RRBP1: variants seen among roughly 807,000 people sequenced by gnomAD.
RRBP1 encodes ribosome binding protein 1.
RRBP1 carries 94 observed loss-of-function variants against 165.2 expected under a neutral mutation model. The ratio of observed to expected loss-of-function variants is 0.57; its 90% CI spans 0.48 to 0.68. The LOEUF (loss-of-function observed/expected upper bound fraction) is 0.68, where lower values mean the gene tolerates loss of function less well. RRBP1 is among the 30% of genes least tolerant of loss of function. The pLI, the probability that RRBP1 is intolerant of heterozygous loss-of-function variation, is 0.00. For synonymous variants in RRBP1, 680 were observed against 714.5 expected (o/e 0.95, Z 0.77); for missense variants, 1,676 against 1,763.0 (o/e 0.95, Z 0.88).
intron 13 of RRBP1, among the ~76,000 whole-genome samples, chr20:17,623,496 G>A (rs1419666960): frequency 6.6e-6 from 1 of 152,196 alleles, no homozygotes; most frequent in East Asian, 1.9e-4. Flanking sequence ...GGACAGCCCA[G>A]CACCCCAAAA....
At chr20:17,651,267 A>G (rs2122407471) in intron 3 of RRBP1, among the ~76,000 whole-genome samples, 1 of 152,358 alleles carries the variant, frequency 6.6e-6, no homozygotes, top group Admixed American at 6.5e-5. Context: ...GTGCTGAGTC[A>G]GAAAACAAAT....
chr20:17,673,138 A>G (rs779931080), intron 2 of RRBP1, among the ~76,000 whole-genome samples: 1 of 152,230 alleles, frequency 6.6e-6, no homozygotes, highest in African/African-American at 2.4e-5. Flanking sequence ...TAAAGAGTTT[A>G]AAATGTGTGT....
In RRBP1 at chr20:17,621,833, G is replaced by A. The variant is rs767621332; in HGVS notation, c.3240+22C>T. On this transcript the variant is annotated intron_variant, in intron 14 of 24. Coordinates refer to ENST00000377813, the MANE Select transcript of RRBP1 (RefSeq NM_001365613.2). ...ATTCCCTGAGAACTGTGAGGTCCCC[G>A]GGAACCACCCTCCCCTCCTACCTGT... 153 of 1,613,208 alleles carry A rather than the reference G, an allele frequency of 9.5e-5. 1 individual carries two copies. In the Middle Eastern group the frequency reaches 1.2e-3, roughly 12 times the overall value.
chr20:17,641,237 C>A (rs190298758), intron 5 of RRBP1, among the ~76,000 whole-genome samples: 57 of 152,360 alleles, frequency 3.7e-4, no homozygotes, highest in Admixed American at 1.2e-3. Flanking sequence ...CAGCACCAAC[C>A]CACCACCGTT....
chr20:17,635,657 G>T lies in RRBP1; in HGVS notation c.2345C>A (p.Thr782Asn). The T allele has an allele frequency of 1.2e-6, 2 of 1,613,088 alleles. No homozygotes were observed. Among genetic ancestry groups the T allele is most frequent in the Non-Finnish European group, 1.7e-6 (2 of 1,179,658 alleles). ...GCCATTCTCCAGCTGCTCCTGAAGA[G>T]TCCGGATCTGGAAAGTCACGGGCAA... ...EVQQLQGKIR[T>N]LQEQLENGPN... is the part of the protein sequence containing the mutation. The change falls in exon 7 of 25, where the codon ACT becomes AAT. Residue 782 changes from threonine to asparagine, a missense_variant. Physicochemically the swap from Thr to Asn is moderately conservative, Grantham distance 65 (BLOSUM62 0). Around this residue, in one of 5 missense-constraint regions of RRBP1, gnomAD observed 1,184 missense variants for 1,167.1 expected, o/e 1.01. Coordinates refer to ENST00000377813, the MANE Select transcript of RRBP1 (RefSeq NM_001365613.2).
chr20:17,627,646 A>G lies in RRBP1; in HGVS notation c.2786T>C (p.Val929Ala). The change falls in exon 10 of 25, where the codon GTG becomes GCG. Residue 929 changes from valine (V) to alanine (A), a missense_variant. By Grantham distance (64) the Val-to-Ala change is moderately conservative. Around this residue, in one of 5 missense-constraint regions of RRBP1, gnomAD observed 1,184 missense variants for 1,167.1 expected, o/e 1.01. Transcript: ENST00000377813. ...ACTCAGCTCCTCGCATTTGCTGCGC[A>G]CCTCCGCCTCGGAGGACTGTAACTT... ...HSKLQSSEAE[V>A]RSKCEELSGL... 6.2e-7 allele frequency: 1 copy of G among 1,611,134 alleles called. No homozygotes were observed. The highest frequency in any genetic ancestry group is 8.5e-7 in the Non-Finnish European group (1 of 1,178,760).
At chr20:17,634,771 G>A (rs1407195830) in intron 7 of RRBP1, among the ~76,000 whole-genome samples, 7 of 152,206 alleles carry the variant, frequency 4.6e-5, no homozygotes, top group East Asian at 1.9e-4. Flanking sequence ...CCAACCAGCC[G>A]ATGGCTCAGG....
intron 8 of RRBP1, among the ~76,000 whole-genome samples, chr20:17,630,671 G>T (rs971069019): frequency 6.6e-6 from 1 of 152,108 alleles, no homozygotes; most frequent in South Asian, 2.1e-4. Flanking sequence ...ACCTGTAAAG[G>T]ATTCCCACAC....
At chr20:17,615,588 A>G (rs2035783919) in intron 22 of RRBP1, 59 bp from the exon 23 acceptor site, 3 of 1,426,176 alleles carry the variant, frequency 2.1e-6, no homozygotes, top group Admixed American at 4.7e-5. Context: ...TGTGCTGTCA[A>G]GACCCTACCG....
intron 9 of RRBP1, among the ~76,000 whole-genome samples, chr20:17,629,188 A>G (rs1239954332): frequency 6.6e-6 from 1 of 152,218 alleles, no homozygotes; most frequent in Non-Finnish European, 1.5e-5. Flanking sequence ...CCCCCAGTCC[A>G]GCCCAGCCCG....
chr20:17,621,204 C>T (rs750197437), intron 16 of RRBP1, among the ~76,000 whole-genome samples: 1 of 152,206 alleles, frequency 6.6e-6, no homozygotes, highest in South Asian at 2.1e-4. Context: ...TCACCAGCTG[C>T]TTACCCCGTC....
Position 17,643,066 on chromosome 20 carries a change from C to G in RRBP1, c.1974G>C (p.Gly658=). Residue 658 remains glycine, a synonymous_variant, in exon 4 of 25, where the codon GGG becomes GGC. Coordinates refer to ENST00000377813, the MANE Select transcript of RRBP1 (RefSeq NM_001365613.2). This position sits in a 1 kb window ranked among gnomAD's most constrained non-coding sequence, Gnocchi z 4.3. ...LPYKTLVSTV[G]SMVFNEGEAQ... The stretch of plus-strand genomic sequence containing the variant: ...CCTCGCCCTCGTTGAACACCATGCT[C>G]CCAACCGTGGAGACCAGCGTCTTGT... 6.2e-7 allele frequency: 1 copy of G among 1,614,144 alleles called. No homozygotes were observed. The highest frequency in any genetic ancestry group is 1.1e-5 in the South Asian group (1 of 91,080).
chr20:17,656,932 G>C (rs569772865), intron 3 of RRBP1, among the ~76,000 whole-genome samples: 1 of 152,158 alleles, frequency 6.6e-6, no homozygotes, highest in Admixed American at 6.5e-5. Context: ...GTCACACGTA[G>C]GTCTCATCCC....
chr20:17,658,357 A>G (rs2036682865), intron 3 of RRBP1, among the ~76,000 whole-genome samples: 1 of 152,220 alleles, frequency 6.6e-6, no homozygotes, highest in Admixed American at 6.5e-5. Flanking sequence ...TCACCAACCC[A>G]GTTAAAACCA....
At position 17,659,551 on chromosome 20, in the gene RRBP1, G is replaced by T. The variant is rs2036717922; in HGVS notation, c.957C>A (p.Gly319=). ...GKKAEGAQNQ[G]KKGEGAQNQG... is the part of the protein sequence containing the mutation. The stretch of plus-strand genomic sequence containing the variant: ...GGTTCTGGGCCCCCTCTCCCTTTTT[G>T]CCCTGATTCTGGGCCCCCTCTGCCT... The change falls in exon 3 of 25, where the codon GGC becomes GGA. Residue 319 remains glycine (G), a synonymous_variant. Coordinates refer to ENST00000377813, the MANE Select transcript of RRBP1 (RefSeq NM_001365613.2). The T allele has an allele frequency of 6.5e-7, 1 of 1,548,042 alleles. No homozygotes were observed. The highest frequency in any genetic ancestry group is 8.7e-7 in the Non-Finnish European group (1 of 1,146,328).
At chr20:17,667,780 T>G (rs2122484249) in intron 2 of RRBP1, among the ~76,000 whole-genome samples, 1 of 152,352 alleles carries the variant, frequency 6.6e-6, no homozygotes, top group East Asian at 1.9e-4. Flanking sequence ...ATTCCTTTTT[T>G]TAGGGTCTTG....
rs778449647 is a variant in RRBP1, at chr20:17,614,796, C to T, written c.4135G>A (p.Glu1379Lys). The T allele has an allele frequency of 4.3e-6, 7 of 1,613,878 alleles. No homozygotes were observed. The highest frequency in any genetic ancestry group is 5.9e-6 in the Non-Finnish European group (7 of 1,180,020). Residue 1379 changes from glutamate (E) to lysine (K), a missense_variant, in exon 24 of 25, where the codon GAG becomes AAG. Transcript: ENST00000377813. ...RLQELLKTTQ[E>K]QLAREKDTVK... ...GTGTCCTTCTCCCTTGCCAGCTGCT[C>T]CTGGGTCGTCTTCAGAAGCTCCTGC...
intron 5 of RRBP1, 122 bp downstream of exon 5, chr20:17,641,675 G>T: frequency 8.0e-7 from 1 of 1,251,036 alleles, no homozygotes; most frequent in South Asian, 1.2e-5. Flanking sequence ...TCAGCAGCCT[G>T]ACAGCCAGCT....
chr20:17,658,822 A>G lies in RRBP1; in HGVS notation c.1686T>C (p.Gly562=), dbSNP rs776973788. 7 of 1,612,902 alleles carry G rather than the reference A, an allele frequency of 4.3e-6. No homozygotes were observed. Among genetic ancestry groups the G allele is most frequent in the Non-Finnish European group, 2.5e-6 (3 of 1,179,734 alleles). The part of the protein sequence containing the change: ...SVANQGTKVE[G]ITNQGKKAEG... ...CTGCTTTTTTCCCCTGGTTTGTAAT[A>G]CCCTCTACCTTTGTGCCCTGATTAG... Residue 562 remains glycine, a synonymous_variant, in exon 3 of 25, where the codon GGT becomes GGC. Transcript: ENST00000377813.
Sources: allele counts gnomAD v4.1 joint callset (sites outside exome capture counted in the v4.1 genomes callset), GRCh38; gene constraint gnomAD v4.1.1; regional missense constraint gnomAD v4.1.1; non-coding constraint Gnocchi (gnomAD v3.1); transcripts MANE v1.5; gene names NCBI Gene and HGNC (gene_info 2026-07-23, HGNC 2026-07-21).